CREB3L2: variants seen among roughly 807,000 people sequenced by gnomAD.
CREB3L2 encodes cAMP responsive element binding protein 3 like 2.
Under a neutral mutation model 57.2 loss-of-function variants are expected in CREB3L2, and 23 were observed. The observed-to-expected ratio is 0.40, with a 90% CI of 0.29 to 0.57. The LOEUF is 0.57. CREB3L2 is among the 20% of genes least tolerant of loss of function. CREB3L2 has a pLI of 0.42. For missense variants in CREB3L2, 628 were observed against 634.7 expected, an observed-to-expected ratio of 0.99 and a Z score of 0.11; for synonymous variants, 268 against 265.1, an observed-to-expected ratio of 1.01 and a Z score of -0.11.
chr7:137,968,235 A>G (rs1241658190), intron 1 of CREB3L2, among the ~76,000 whole-genome samples: 2 of 151,030 alleles, frequency 1.3e-5, no homozygotes, highest in Non-Finnish European at 2.9e-5. Flanking sequence ...TTATACTTTA[A>G]GTCCTAGGGT....
intron 1 of CREB3L2, among the ~76,000 whole-genome samples, chr7:137,977,961 G>C (rs536303694): frequency 6.6e-6 from 1 of 151,352 alleles, no homozygotes; most frequent in South Asian, 2.1e-4. Context: ...AAGGAGGGGA[G>C]GGGAGGGGAG....
chr7:137,958,929 A>T (rs568441024), intron 1 of CREB3L2, among the ~76,000 whole-genome samples: 1 of 152,370 alleles, frequency 6.6e-6, no homozygotes, highest in South Asian at 2.1e-4. Context: ...AACACAAGGG[A>T]TGTAAAAACT....
chr7:137,947,014 T>TTA lies in CREB3L2; in HGVS notation c.103-18650_103-18649dup, dbSNP rs537032447. ...TATATATATAGTTATATATATATAG[T>TTA]TATATATATATATATAGTTCAATCC... is the stretch of plus-strand genomic sequence containing the variant. On this transcript the variant is annotated intron_variant, in intron 1 of 11. Coordinates refer to ENST00000330387, the MANE Select transcript of CREB3L2 (RefSeq NM_194071.4). Among the ~76,000 whole-genome samples the TTA allele has an allele frequency of 9.8e-3, 1,238 of 126,778 alleles. 156 individuals carry two copies. Among genetic ancestry groups the TTA allele is most frequent in the African/African-American group, 0.041 (1,172 of 28,346 alleles). 83.2% of individuals were successfully genotyped at this position (126,778 alleles called of 152,430 possible).
intron 1 of CREB3L2, among the ~76,000 whole-genome samples, chr7:137,949,555 T>A (rs1563263163): frequency 6.6e-6 from 1 of 152,210 alleles, no homozygotes; most frequent in Non-Finnish European, 1.5e-5. Flanking sequence ...AGTGTTGCAC[T>A]AGCCTCTTCC....
intron 8 of CREB3L2, 78 bp downstream of exon 8, chr7:137,901,276 C>T: frequency 3.1e-6 from 3 of 968,460 alleles, no homozygotes; most frequent in Non-Finnish European, 4.9e-6. Flanking sequence ...TTCTGCCATC[C>T]CTGGTTCTGG....
intron 1 of CREB3L2, among the ~76,000 whole-genome samples, chr7:137,932,769 T>C (rs1800680427): frequency 6.6e-6 from 1 of 152,222 alleles, no homozygotes; most frequent in South Asian, 2.1e-4. Flanking sequence ...TCAAGGATTT[T>C]GCAGCTACTG....
At chr7:137,936,744 T>G (rs1321229393) in intron 1 of CREB3L2, among the ~76,000 whole-genome samples, 1 of 152,198 alleles carries the variant, frequency 6.6e-6, no homozygotes, top group Non-Finnish European at 1.5e-5. Flanking sequence ...GATCCCGGGC[T>G]AAACCCTGCC....
At chr7:137,937,234 G>T (rs1213596277) in intron 1 of CREB3L2, among the ~76,000 whole-genome samples, 11 of 152,214 alleles carry the variant, frequency 7.2e-5, no homozygotes, top group Non-Finnish European at 1.6e-4. Flanking sequence ...TGGAGCCATA[G>T]AAGAAGGGAG....
intron 1 of CREB3L2, among the ~76,000 whole-genome samples, chr7:137,989,063 T>C (rs1801838846): frequency 6.6e-6 from 1 of 152,168 alleles, no homozygotes; most frequent in Non-Finnish European, 1.5e-5. Flanking sequence ...AATGAACCAG[T>C]GATGGTCTCC....
chr7:137,907,880 T>C (rs1465469346), intron 5 of CREB3L2, among the ~76,000 whole-genome samples: 1 of 152,218 alleles, frequency 6.6e-6, no homozygotes, highest in East Asian at 1.9e-4. Context: ...CTTTAAAATA[T>C]AAAAGGTATT....
intron 1 of CREB3L2, chr7:137,999,521 C>T (rs1200331014): frequency 6.6e-6 from 1 of 152,104 alleles, no homozygotes; most frequent in Non-Finnish European, 1.5e-5. Flanking sequence ...GAACAAATAT[C>T]TCTCTGACTG....
chr7:137,904,048 AATTTCCAGCTCTGT>A, intron 6 of CREB3L2, 31 bp from the exon 7 acceptor site: 1 of 1,569,560 alleles, frequency 6.4e-7, no homozygotes, highest in South Asian at 1.1e-5. Context: ...GAGAATGATT[AATTTCCAGCTCTGT>A]AAGTAAACCA....
chr7:137,948,477 G>A (rs1690705667), intron 1 of CREB3L2, among the ~76,000 whole-genome samples: 1 of 152,148 alleles, frequency 6.6e-6, no homozygotes, highest in African/African-American at 2.4e-5. Flanking sequence ...TAAAACAAAT[G>A]TATTGGAATT....
chr7:137,889,709 A>G (rs1391294211), intron 8 of CREB3L2, among the ~76,000 whole-genome samples: 1 of 152,218 alleles, frequency 6.6e-6, no homozygotes, highest in East Asian at 1.9e-4. Flanking sequence ...TCGCTCAGTC[A>G]TCCCCAGAAT....
chr7:137,904,838 GAAA>G (rs58779744), intron 6 of CREB3L2, among the ~76,000 whole-genome samples: 1 of 136,934 alleles, frequency 7.3e-6, no homozygotes, highest in Non-Finnish European at 1.6e-5. Context: ...GACTCTGTAT[GAAA>G]AAAAAAAAAA....
intron 1 of CREB3L2, among the ~76,000 whole-genome samples, chr7:137,992,900 G>A (rs1377133207): frequency 6.6e-6 from 1 of 152,206 alleles, no homozygotes; most frequent in African/African-American, 2.4e-5. Flanking sequence ...GGACCCAGCG[G>A]GCAGAGGATA....
Position 137,905,255 on chromosome 7 carries a change from C to T in CREB3L2, c.915+447G>A, listed in dbSNP as rs185275094. 2.6e-3 allele frequency among the ~76,000 whole-genome samples: 387 copies of T among 150,326 alleles called. 4 individuals are homozygous for T. Among genetic ancestry groups the T allele is most frequent in the Non-Finnish European group, 2.3e-3 (157 of 67,666 alleles). ...AAGAAAAAAAAAAATTAACCAAGCA[C>T]TTGCAATGTATTTGTATCTTATATA... On this transcript the variant is annotated intron_variant, in intron 6 of 11. Transcript: ENST00000330387.
intron 2 of CREB3L2, among the ~76,000 whole-genome samples, chr7:137,923,616 A>C (rs1800384213): frequency 6.6e-6 from 1 of 152,220 alleles, no homozygotes; most frequent in Non-Finnish European, 1.5e-5. Context: ...GTGATTTTCA[A>C]GTCTCACTTC....
Position 137,879,134 on chromosome 7 carries a change from G to T in CREB3L2, c.*1342C>A, listed in dbSNP as rs1480721385. ...CTTCTTATTTATATGAAAGAGGAAA[G>T]ATTTTTTTAAACTACAAAAGTTACT... On this transcript the variant is annotated 3_prime_UTR_variant, in exon 12 of 12. Coordinates refer to ENST00000330387, the MANE Select transcript of CREB3L2 (RefSeq NM_194071.4). 4.0e-6 allele frequency: 2 copies of T among 502,360 alleles called. No individual in the cohort carries two copies. Among genetic ancestry groups the T allele is most frequent in the South Asian group, 3.4e-5 (2 of 58,676 alleles). 31.1% of individuals were successfully genotyped at this position (502,360 alleles called of 1,614,324 possible). A position where few individuals can be genotyped will look rare whatever the true frequency, so the allele number is the denominator to read the frequency against.
Sources: gnomAD v4.1 joint callset for allele counts (sites outside exome capture counted in the v4.1 genomes callset) on GRCh38, gnomAD v4.1.1 for gene constraint, MANE v1.5 for transcripts, NCBI Gene and HGNC (gene_info 2026-07-23, HGNC 2026-07-21) for gene names.